Variants in MCF2L observed in about 807,000 individuals in gnomAD.
The protein encoded by MCF2L is guanine nucleotide exchange factor DBS.
A neutral mutation model predicts 153.4 loss-of-function variants in MCF2L; 97 were observed. That is an observed-to-expected ratio of 0.63 (90% confidence interval 0.54 to 0.75). The LOEUF (loss-of-function observed/expected upper bound fraction) is 0.75. Ranked by LOEUF, MCF2L falls within the 30% of genes least tolerant of loss-of-function variation. The probability of loss-of-function intolerance (pLI) is 0.00; values close to 1 mark genes in which losing one functional copy is unlikely to be tolerated. For missense variants in MCF2L, 1,347 were observed against 1,495.2 expected (o/e 0.90, Z 1.64); for synonymous variants, 659 against 632.2 (o/e 1.04, Z -0.64).
chr13:113,058,349 GTGTT>G (rs768167503), intron 4 of MCF2L, among the ~76,000 whole-genome samples: 6 of 149,932 alleles, frequency 4.0e-5, no homozygotes, highest in Non-Finnish European at 8.9e-5. Context: ...TGGGTGCTGT[GTGTT>G]TGGTCACTGA....
chr13:113,081,976 C>T (rs1220360188), intron 16 of MCF2L, among the ~76,000 whole-genome samples: 3 of 143,720 alleles, frequency 2.1e-5, no homozygotes, highest in Non-Finnish European at 4.5e-5. Flanking sequence ...CATGTGATCA[C>T]CTGAGTGTAG....
rs1464337399 is a variant in MCF2L at position 113,075,089 on chromosome 13, G to A, written c.1208G>A (p.Cys403Tyr). 6.2e-7 allele frequency: 1 copy of A among 1,613,776 alleles called. No individual in the cohort carries two copies. Among genetic ancestry groups the A allele is most frequent in the Admixed American group, 1.7e-5 (1 of 60,032 alleles). Residue 403 changes from cysteine (C) to tyrosine (Y), a missense_variant, in exon 11 of 30, where the codon TGC becomes TAC. Transcript: ENST00000535094. ...HYAVDSIRPK[C>Y]QELRHLCDQF... ...GCGGTAGACTCCATCCGCCCAAAGT[G>A]CCAGGAGCTCCGGCACCTCTGTGAC...
At chr13:112,953,975 G>A (rs2081726279) in intron 2 of MCF2L, among the ~76,000 whole-genome samples, 1 of 152,248 alleles carries the variant, frequency 6.6e-6, no homozygotes, top group African/African-American at 2.4e-5. Flanking sequence ...GTGGCCAACG[G>A]AACTGTCTGC....
At chr13:113,079,704 G>A (rs1356474601) in intron 15 of MCF2L, among the ~76,000 whole-genome samples, 1 of 152,118 alleles carries the variant, frequency 6.6e-6, no homozygotes, top group Admixed American at 6.5e-5. Flanking sequence ...AAACAGGATG[G>A]GAAGGAAGAG....
intron 1 of MCF2L, among the ~76,000 whole-genome samples, chr13:112,901,209 G>T (rs910208343): frequency 6.6e-6 from 1 of 151,980 alleles, no homozygotes; most frequent in Non-Finnish European, 1.5e-5. Flanking sequence ...GCTGGAGTGC[G>T]GTGGTGCAAT....
chr13:113,005,869 A>G (rs560219040), intron 1 of MCF2L, among the ~76,000 whole-genome samples: 14 of 152,196 alleles, frequency 9.2e-5, no homozygotes, highest in Non-Finnish European at 1.9e-4. Context: ...ATTTTTCTCA[A>G]TATAGCTGGA....
chr13:113,034,311 A>G (rs2085995679), intron 3 of MCF2L, among the ~76,000 whole-genome samples: 1 of 151,616 alleles, frequency 6.6e-6, no homozygotes, highest in Non-Finnish European at 1.5e-5. Context: ...TAATTTTTGT[A>G]TTTTTTGTAG....
chr13:113,078,090 C>G (rs1324599511), intron 13 of MCF2L, among the ~76,000 whole-genome samples: 1 of 147,310 alleles, frequency 6.8e-6, no homozygotes, highest in African/African-American at 2.5e-5. Context: ...GCCCACGCCA[C>G]CACCTGTGGC....
intron 1 of MCF2L, chr13:112,979,415 G>A: frequency 1.4e-6 from 2 of 1,397,588 alleles, no homozygotes. Context: ...GCTCGGGCCA[G>A]GCTCTGGGAG....
At chr13:113,014,686 G>A (rs577625405) in intron 1 of MCF2L, 77 bp from the exon 2 acceptor site, 19 of 1,252,496 alleles carry the variant, frequency 1.5e-5, no homozygotes, top group African/African-American at 7.3e-5. Context: ...TGCCAGCTCC[G>A]TGTGGGATCG....
upstream of MCF2L, chr13:112,968,511 C>T (rs372754346): frequency 3.8e-6 from 6 of 1,577,736 alleles, no homozygotes; most frequent in African/African-American, 1.3e-5. Flanking sequence ...GCTTCCCTCA[C>T]TGGGTCCTGC....
upstream of MCF2L, chr13:112,968,383 C>T: frequency 1.3e-6 from 2 of 1,520,164 alleles, no homozygotes; most frequent in Non-Finnish European, 1.8e-6. Flanking sequence ...GGCCATGGCC[C>T]TGCATAGACA....
chr13:112,894,618 G>A (rs1310471899), intron 1 of MCF2L, among the ~76,000 whole-genome samples: 1 of 152,044 alleles, frequency 6.6e-6, no homozygotes, highest in East Asian at 1.9e-4. Context: ...CGGCCCCCGC[G>A]GCCCCTGCCC....
chr13:113,026,291 C>T (rs1385314326), intron 3 of MCF2L, among the ~76,000 whole-genome samples: 1 of 152,170 alleles, frequency 6.6e-6, no homozygotes, highest in Non-Finnish European at 1.5e-5. Context: ...TGGTGGGGTC[C>T]CCGTGACTGC....
upstream of MCF2L, among the ~76,000 whole-genome samples, chr13:112,966,302 T>A (rs2140779041): frequency 6.6e-6 from 1 of 152,116 alleles, no homozygotes; most frequent in African/African-American, 2.4e-5. The surrounding 1 kb of genome is among the most constrained non-coding windows in gnomAD (Gnocchi z 4.1). Flanking sequence ...AAATTGTGGG[T>A]GTTGGAAGGT....
At chr13:113,061,179 C>T (rs1424375206) in intron 5 of MCF2L, among the ~76,000 whole-genome samples, 5 of 152,086 alleles carry the variant, frequency 3.3e-5, no homozygotes, top group African/African-American at 7.2e-5. Context: ...AGGGATGGGC[C>T]GGACCTGTCC....
At chr13:113,010,674 T>TGCCGG (rs2084034348) in intron 1 of MCF2L, among the ~76,000 whole-genome samples, 1 of 152,206 alleles carries the variant, frequency 6.6e-6, no homozygotes, top group African/African-American at 2.4e-5. Flanking sequence ...GGGCAGCCTC[T>TGCCGG]GCCGGGCCTC....
chr13:113,088,049 C>T (rs373790842), intron 23 of MCF2L, among the ~76,000 whole-genome samples: 2 of 152,132 alleles, frequency 1.3e-5, no homozygotes, highest in East Asian at 1.9e-4. Flanking sequence ...TGTCCCTGGA[C>T]GGTGCAAGTG....
rs9603994 is a variant in MCF2L, at chr13:112,904,738, G to A, written c.169+2367G>A. ...CTCTGTGGAAAGAGAAGCGCACGGCGTGGACTGCGGCCTGCGGGAGAACCG... is the reference window on the plus strand; with the variant it reads ...CTCTGTGGAAAGAGAAGCGCACGGCATGGACTGCGGCCTGCGGGAGAACCG... On this transcript the variant is annotated intron_variant, in intron 2 of 29. Transcript: ENST00000375608. The surrounding 1 kb of genome is among the most constrained non-coding windows in gnomAD (Gnocchi z 4.2). Among the ~76,000 whole-genome samples the A allele has an allele frequency of 7.9e-3, 1,202 of 152,334 alleles. 18 individuals are homozygous for A. The highest frequency in any genetic ancestry group is 0.027 in the African/African-American group (1,137 of 41,572).
Sources: gnomAD v4.1 joint callset for allele counts (sites outside exome capture counted in the v4.1 genomes callset) on GRCh38, gnomAD v4.1.1 for gene constraint, Gnocchi (gnomAD v3.1) non-coding constraint, MANE v1.5 for transcripts, NCBI Gene and HGNC (gene_info 2026-07-23, HGNC 2026-07-21) for gene names.